The following USP13 variants were observed in gnomAD, a reference collection of about 807,000 sequenced individuals.
USP13 encodes the protein ubiquitin specific peptidase 13, also known as ubiquitin carboxyl-terminal hydrolase 13.
In USP13, 68 loss-of-function variants were observed where a neutral mutation model predicts 107.8. The observed-to-expected ratio is 0.63, with a 90% CI of 0.52 to 0.77. USP13 has a LOEUF of 0.77. Ranked by LOEUF, USP13 falls within the 30% of genes least tolerant of loss-of-function variation. USP13 has a pLI of 0.00. For missense variants in USP13, 945 were observed against 1,093.3 expected (o/e 0.86, Z 1.91); for synonymous variants, 377 against 389.5 (o/e 0.97, Z 0.38).
chr3:179,716,533 A>G (rs932611784), intron 6 of USP13, among the ~76,000 whole-genome samples: 1 of 152,232 alleles, frequency 6.6e-6, no homozygotes, highest in Non-Finnish European at 1.5e-5. Context: ...ACGATGAATG[A>G]GTGAGTTAAC....
chr3:179,701,931 T>A (rs1399257608), intron 4 of USP13, among the ~76,000 whole-genome samples: 8 of 152,218 alleles, frequency 5.3e-5, no homozygotes, highest in Admixed American at 3.3e-4. Flanking sequence ...GGGGACCCTG[T>A]TTTTCCTGCT....
chr3:179,693,456 A>G lies in USP13; in HGVS notation c.355+3155A>G, dbSNP rs561131379. Among the ~76,000 whole-genome samples, 217 of 151,696 alleles carry G rather than the reference A, an allele frequency of 1.4e-3. 3 individuals are homozygous for G. The highest frequency in any genetic ancestry group is 5.0e-3 in the African/African-American group (208 of 41,344). Reference sequence around the variant, plus strand: ...GTGTGAGCTGCTGTGCCTGGCCAGGAAGTTATTTTTTACAGGAATTCATTT... The same window carrying G: ...GTGTGAGCTGCTGTGCCTGGCCAGGGAGTTATTTTTTACAGGAATTCATTT... On this transcript the variant is annotated intron_variant, in intron 3 of 20. Coordinates refer to ENST00000263966, the MANE Select transcript of USP13 (RefSeq NM_003940.3).
rs1057417707 is a variant in USP13 at position 179,783,876 on chromosome 3, A to G, written c.2499-172A>G. 3.4e-5 allele frequency among the ~76,000 whole-genome samples: 5 copies of G among 149,074 alleles called. No individual in the cohort carries two copies. The East Asian group carries it at 9.7e-4, about 29-fold the overall frequency. On this transcript the variant is annotated intron_variant, in intron 20 of 20. Transcript: ENST00000263966. ...CTTGTCTCTTAAAAAAAAAAAAAAA[A>G]AGCAGTTGTGATTCCCTACCAGCAT...
intron 16 of USP13, among the ~76,000 whole-genome samples, chr3:179,758,626 G>A (rs9872816): frequency 0.012 from 1,752 of 151,538 alleles, 36 homozygotes; most frequent in African/African-American, 0.04. Flanking sequence ...AGCCTCCCGA[G>A]TAGCTGGGAC....
intron 10 of USP13, among the ~76,000 whole-genome samples, chr3:179,736,180 T>A (rs1216845385): frequency 2.6e-5 from 4 of 152,230 alleles, no homozygotes; most frequent in Non-Finnish European, 4.4e-5. Flanking sequence ...CTTTTCTTTT[T>A]GCAAACTATT....
At chr3:179,719,400 G>T (rs548212832) in intron 6 of USP13, among the ~76,000 whole-genome samples, 3 of 152,132 alleles carry the variant, frequency 2.0e-5, no homozygotes, top group African/African-American at 7.2e-5. Flanking sequence ...AAGGGATGTC[G>T]GGGGCAAGTG....
At chr3:179,695,523 T>G (rs558600915) in intron 3 of USP13, among the ~76,000 whole-genome samples, 215 of 151,630 alleles carry the variant, frequency 1.4e-3, no homozygotes, top group Non-Finnish European at 2.8e-3. Flanking sequence ...CAGTACTAGC[T>G]TTTGCTGCTA....
At chr3:179,715,739 A>G (rs948135330) in intron 6 of USP13, among the ~76,000 whole-genome samples, 1 of 151,854 alleles carries the variant, frequency 6.6e-6, no homozygotes, top group African/African-American at 2.4e-5. Context: ...GATGGCTTAG[A>G]GGCACACAGA....
In USP13 at chr3:179,752,276, G is replaced by A. The variant is rs752260486; in HGVS notation, c.1710-9G>A. The A allele has an allele frequency of 9.9e-6, 16 of 1,612,364 alleles. No individual in the cohort carries two copies. Among genetic ancestry groups the A allele is most frequent in the Non-Finnish European group, 1.4e-5 (16 of 1,178,884 alleles). Reference sequence around the variant, plus strand: ...TTGTTTCATTGATATATCCCCTTGTGTTTCCCAGAACATCTCGCTTTGCTT... The same window carrying A: ...TTGTTTCATTGATATATCCCCTTGTATTTCCCAGAACATCTCGCTTTGCTT... On this transcript the variant is annotated splice_polypyrimidine_tract_variant and intron_variant, in intron 13 of 20. Coordinates refer to ENST00000263966, the MANE Select transcript of USP13 (RefSeq NM_003940.3).
At chr3:179,778,207 T>C (rs1270907794) in intron 19 of USP13, among the ~76,000 whole-genome samples, 1 of 152,184 alleles carries the variant, frequency 6.6e-6, no homozygotes, top group Non-Finnish European at 1.5e-5. Flanking sequence ...TATACCCCAA[T>C]ATATGCTTTG....
intron 19 of USP13, among the ~76,000 whole-genome samples, chr3:179,775,985 C>T (rs1016060343): frequency 4.6e-5 from 7 of 152,208 alleles, no homozygotes; most frequent in Admixed American, 6.5e-5. Flanking sequence ...GAGCAGATGT[C>T]ACGGTCGAGG....
At chr3:179,736,676 A>G (rs761931791) in intron 10 of USP13, among the ~76,000 whole-genome samples, 6 of 152,228 alleles carry the variant, frequency 3.9e-5, no homozygotes, top group Non-Finnish European at 7.3e-5. Context: ...GAAGAAATGA[A>G]ATGGTCACAG....
At chr3:179,681,791 C>G in intron 1 of USP13, 87 bp from the exon 2 acceptor site, 1 of 1,497,540 alleles carries the variant, frequency 6.7e-7, no homozygotes, top group Non-Finnish European at 9.0e-7. Flanking sequence ...TCGTCTTCAG[C>G]GTTTGCCTTC....
At chr3:179,753,261 C>T (rs768513103) in intron 14 of USP13, among the ~76,000 whole-genome samples, 7 of 152,208 alleles carry the variant, frequency 4.6e-5, no homozygotes, top group East Asian at 1.9e-4. Context: ...TAGAGACCTC[C>T]GGCACTAACA....
chr3:179,727,810 C>A (rs1325910244), intron 8 of USP13, among the ~76,000 whole-genome samples: 3 of 61,214 alleles, frequency 4.9e-5, no homozygotes, highest in African/African-American at 1.8e-4. Context: ...CCCCCCCCCA[C>A]CTCCCTCCCG....
At chr3:179,749,772 T>G (rs1048965208) in intron 13 of USP13, among the ~76,000 whole-genome samples, 10 of 152,194 alleles carry the variant, frequency 6.6e-5, no homozygotes, top group African/African-American at 2.2e-4. Flanking sequence ...GTTATTCCAC[T>G]ACCGCTATTA....
intron 1 of USP13, among the ~76,000 whole-genome samples, chr3:179,673,740 T>C (rs915104832): frequency 4.6e-5 from 7 of 152,180 alleles, no homozygotes; most frequent in African/African-American, 1.4e-4. Context: ...CCTTGTGTCC[T>C]GAAAGTCTTT....
At chr3:179,746,267 T>TA (rs1714405641) in intron 13 of USP13, among the ~76,000 whole-genome samples, 1 of 147,452 alleles carries the variant, frequency 6.8e-6, no homozygotes, top group Non-Finnish European at 1.5e-5. Context: ...ATTATATATA[T>TA]TTTTTAGAGG....
chr3:179,752,705 G>C (rs1172705114), intron 14 of USP13, among the ~76,000 whole-genome samples: 1 of 152,228 alleles, frequency 6.6e-6, no homozygotes, highest in Non-Finnish European at 1.5e-5. Context: ...AGATTGGGCA[G>C]GTCTGGAGTG....
Sources: allele counts gnomAD v4.1 joint callset (sites outside exome capture counted in the v4.1 genomes callset), GRCh38; gene constraint gnomAD v4.1.1; transcripts MANE v1.5; gene names NCBI Gene and HGNC (gene_info 2026-07-23, HGNC 2026-07-21).